Variants in PCDH11X observed in about 807,000 individuals in gnomAD.
PCDH11X encodes protocadherin-11 X-linked.
PCDH11X carries 18 observed loss-of-function variants against 53.3 expected under a neutral mutation model. The ratio of observed to expected loss-of-function variants is 0.34; its 90% confidence interval spans 0.23 to 0.50. The LOEUF (loss-of-function observed/expected upper bound fraction) is 0.50. PCDH11X is among the 20% of genes least tolerant of loss of function. The pLI, the probability that PCDH11X is intolerant of heterozygous loss-of-function variation, is 0.98. For missense variants in PCDH11X, 570 were observed against 1,032.4 expected, an observed-to-expected ratio of 0.55 and a Z score of 6.14; for synonymous variants, 279 against 393.3, an observed-to-expected ratio of 0.71 and a Z score of 3.44.
chrX:92,598,533 C>T (rs1359023660), intron 10 of PCDH11X, among the ~76,000 whole-genome samples: 1 of 100,653 alleles, frequency 9.9e-6, no homozygotes, highest in South Asian at 4.6e-4. Flanking sequence ...TGGCTTTTAT[C>T]TAAAAGACAG....
intron 10 of PCDH11X, among the ~76,000 whole-genome samples, chrX:92,540,482 C>T (rs35429306): frequency 1.9e-5 from 2 of 105,946 alleles, no homozygotes; most frequent in Admixed American, 1.0e-4. Flanking sequence ...GCCTAAAGCA[C>T]GTCCAGAATT....
rs1928418406 is a variant in PCDH11X at position 92,620,702 on chromosome X, C to T, written c.*1762C>T. ...GCGTTTTCAGAATATACATTATTCC[C>T]ATCCATTGTAAAGTTCCTTAAGTCA... On this transcript the variant is annotated 3_prime_UTR_variant, in exon 11 of 11. Transcript: ENST00000682573. 1 of 110,678 alleles carries T rather than the reference C, an allele frequency of 9.0e-6. No individual in the cohort carries two copies. Among genetic ancestry groups the T allele is most frequent in the African/African-American group, 3.3e-5 (1 of 30,132 alleles). 9.1% of individuals were successfully genotyped at this position (110,678 alleles called of 1,213,427 possible). A position where few individuals can be genotyped will look rare whatever the true frequency, so the allele number is the denominator to read the frequency against.
chrX:92,299,852 T>C (rs908992655), intron 8 of PCDH11X, among the ~76,000 whole-genome samples: 2 of 109,061 alleles, frequency 1.8e-5, no homozygotes, highest in Admixed American at 2.0e-4. Flanking sequence ...GATAGCTTTG[T>C]GGTTGGTTTG....
intron 8 of PCDH11X, among the ~76,000 whole-genome samples, chrX:92,345,705 C>T (rs1444969454): frequency 9.1e-6 from 1 of 110,043 alleles, no homozygotes; most frequent in Non-Finnish European, 1.9e-5. Context: ...TTTTTTCCTT[C>T]CCGCATTATA....
chrX:92,120,320 C>T (rs370385370), intron 6 of PCDH11X, among the ~76,000 whole-genome samples: 1,445 of 110,537 alleles, frequency 0.013, 19 homozygotes, highest in African/African-American at 0.044. Context: ...CAACCACGCC[C>T]GGCTAATTTT....
chrX:92,181,271 G>A (rs1338022796), intron 6 of PCDH11X, among the ~76,000 whole-genome samples: 1 of 111,441 alleles, frequency 9.0e-6, no homozygotes, highest in Non-Finnish European at 1.9e-5. Flanking sequence ...TTGAACTTGA[G>A]AGAGATGATT....
At chrX:92,221,892 A>G (rs1470350776) in intron 7 of PCDH11X, among the ~76,000 whole-genome samples, 2 of 110,316 alleles carry the variant, frequency 1.8e-5, no homozygotes, top group African/African-American at 6.6e-5. Flanking sequence ...GCTGGATGCA[A>G]TCACGATCTC....
At chrX:92,321,656 G>T (rs1036153198) in intron 8 of PCDH11X, among the ~76,000 whole-genome samples, 25 of 111,001 alleles carry the variant, frequency 2.3e-4, no homozygotes, top group African/African-American at 8.2e-4. Flanking sequence ...GGATAATTTG[G>T]TATCTTATTA....
intron 9 of PCDH11X, among the ~76,000 whole-genome samples, chrX:92,405,611 G>A (rs2071488775): frequency 1.9e-5 from 2 of 103,485 alleles, no homozygotes. Context: ...GAATAAAGAA[G>A]AAAATAAAAT....
intron 6 of PCDH11X, among the ~76,000 whole-genome samples, chrX:92,097,382 A>T (rs1394338656): frequency 9.3e-6 from 1 of 107,242 alleles, no homozygotes; most frequent in South Asian, 4.4e-4. Context: ...TGCATTCCAG[A>T]CTGGGAAACA....
chrX:92,270,651 G>T (rs78963676), intron 8 of PCDH11X, among the ~76,000 whole-genome samples: 7,841 of 111,278 alleles, frequency 0.07, 474 homozygotes, highest in East Asian at 0.27. Flanking sequence ...GAAAGAGGGA[G>T]GATACGGTCT....
At chrX:92,121,108 A>T (rs1436090930) in intron 6 of PCDH11X, among the ~76,000 whole-genome samples, 1 of 110,928 alleles carries the variant, frequency 9.0e-6, no homozygotes, top group Non-Finnish European at 1.9e-5. Context: ...TAGCATGATC[A>T]TTCATTTTAA....
intron 10 of PCDH11X, among the ~76,000 whole-genome samples, chrX:92,485,057 A>T (rs1262028256): frequency 9.0e-6 from 1 of 110,544 alleles, no homozygotes; most frequent in East Asian, 2.8e-4. Flanking sequence ...GTTTGTATTT[A>T]CATATAAAAT....
intron 10 of PCDH11X, among the ~76,000 whole-genome samples, chrX:92,534,133 C>A (rs771800243): frequency 9.5e-6 from 1 of 104,845 alleles, no homozygotes; most frequent in Non-Finnish European, 1.9e-5. Flanking sequence ...TTGAACCCAT[C>A]ACAAAGAAGT....
intron 4 of PCDH11X, among the ~76,000 whole-genome samples, chrX:91,815,855 T>C (rs1439413873): frequency 7.2e-5 from 8 of 110,566 alleles, no homozygotes; most frequent in Non-Finnish European, 1.1e-4. Flanking sequence ...ATAGTGGATA[T>C]GGGAAAGGTA....
At chrX:92,025,965 G>A (rs934266694) in intron 6 of PCDH11X, among the ~76,000 whole-genome samples, 1 of 110,848 alleles carries the variant, frequency 9.0e-6, no homozygotes, top group African/African-American at 3.3e-5. Flanking sequence ...CAAATATCGC[G>A]TGTTCTCACC....
intron 6 of PCDH11X, among the ~76,000 whole-genome samples, chrX:92,079,190 G>A (rs1226579459): frequency 2.7e-5 from 3 of 111,631 alleles, no homozygotes; most frequent in African/African-American, 9.8e-5. Flanking sequence ...TGTACACAGT[G>A]GGTGCTTCAC....
At chrX:92,131,055 C>CCACTTAA (rs1364138420) in intron 6 of PCDH11X, among the ~76,000 whole-genome samples, 11 of 111,106 alleles carry the variant, frequency 9.9e-5, no homozygotes, top group African/African-American at 3.6e-4. Context: ...AAACACATTA[C>CCACTTAA]CACTTAACAG....
At chrX:92,275,238 G>T (rs60423706) in intron 8 of PCDH11X, among the ~76,000 whole-genome samples, 9,043 of 102,002 alleles carry the variant, frequency 0.089, 463 homozygotes, top group South Asian at 0.24. Context: ...TGGCTCTTGT[G>T]TAAGAATTCT....
Sources: gnomAD v4.1 joint callset for allele counts (sites outside exome capture counted in the v4.1 genomes callset) on GRCh38, gnomAD v4.1.1 for gene constraint, MANE v1.5 for transcripts, NCBI Gene and HGNC (gene_info 2026-07-23, HGNC 2026-07-21) for gene names.